Variants in HIRA observed in about 807,000 individuals in gnomAD.
HIRA encodes the protein histone cell cycle regulator, also known as protein HIRA.
Under a neutral mutation model 126.6 loss-of-function variants are expected in HIRA, and 13 were observed. The ratio of observed to expected loss-of-function variants is 0.10; its 90% CI spans 0.07 to 0.16. HIRA has a LOEUF of 0.16. HIRA is among the 10% of genes least tolerant of loss of function. The probability of loss-of-function intolerance (pLI) is 1.00; values close to 1 mark genes in which losing one functional copy is unlikely to be tolerated. For synonymous variants in HIRA, 511 were observed against 520.0 expected, an observed-to-expected ratio of 0.98 and a Z score of 0.24; for missense variants, 834 against 1,314.4, an observed-to-expected ratio of 0.63 and a Z score of 5.65.
At chr22:19,421,734 C>T (rs981522106) in intron 1 of HIRA, among the ~76,000 whole-genome samples, 7 of 152,158 alleles carry the variant, frequency 4.6e-5, no homozygotes, top group East Asian at 1.9e-4. Context: ...CGCAGTGATG[C>T]GACCTCAGCT....
At position 19,414,741 on chromosome 22, in the gene HIRA, G is replaced by T. The variant is rs551725916; in HGVS notation, c.38-3963C>A. ...GAACAATACTAAAATATAAGGTGGGGCCGGTCATGGTGGCTCACGCCGGTA... is the reference window on the plus strand; with the variant it reads ...GAACAATACTAAAATATAAGGTGGGTCCGGTCATGGTGGCTCACGCCGGTA... On this transcript the variant is annotated intron_variant, in intron 1 of 24. Coordinates refer to ENST00000263208, the MANE Select transcript of HIRA (RefSeq NM_003325.4). 5.7e-4 allele frequency among the ~76,000 whole-genome samples: 87 copies of T among 152,206 alleles called. 2 individuals are homozygous for T. The South Asian group carries it at 0.017, about 30-fold the overall frequency.
intron 11 of HIRA, 47 bp downstream of exon 11, chr22:19,387,664 T>C (rs2089139020): frequency 4.9e-6 from 7 of 1,428,278 alleles, no homozygotes; most frequent in Non-Finnish European, 6.9e-6. Flanking sequence ...AGAGCTATTG[T>C]GGCAATGGCC....
At chr22:19,356,191 GC>G in intron 20 of HIRA, 38 bp downstream of exon 20, 1 of 1,583,010 alleles carries the variant, frequency 6.3e-7, no homozygotes. Flanking sequence ...ATGAACTTGG[GC>G]CCCCAAAAGA....
Position 19,377,884 on chromosome 22 carries a change from G to T in HIRA, c.1598C>A (p.Ser533Tyr). Residue 533 changes from serine to tyrosine, a missense_variant, in exon 14 of 25, where the codon TCT (serine) becomes TAT (tyrosine). By Grantham distance (144) the Ser-to-Tyr change is moderately radical. Coordinates refer to ENST00000263208, the MANE Select transcript of HIRA (RefSeq NM_003325.4). The stretch of plus-strand genomic sequence containing the variant: ...ACCCACTAACCTGTCTTTATTGACA[G>T]AATCGCCTGCAGGTCTGGCACTGGC... Reference protein sequence around the residue: ...VAASARPAGDSVNKDSMNATS... With the variant: ...VAASARPAGDYVNKDSMNATS... 6.2e-7 allele frequency: 1 copy of T among 1,610,802 alleles called. No homozygotes were observed. The highest frequency in any genetic ancestry group is 2.2e-5 in the East Asian group (1 of 44,748).
At chr22:19,409,289 T>C (rs929520807) in intron 2 of HIRA, among the ~76,000 whole-genome samples, 5 of 105,604 alleles carry the variant, frequency 4.7e-5, no homozygotes, top group South Asian at 3.4e-4. Context: ...ATTTCTTTTC[T>C]TTTTTTTTTT....
chr22:19,416,801 T>C (rs530275363), intron 1 of HIRA, among the ~76,000 whole-genome samples: 2 of 152,330 alleles, frequency 1.3e-5, no homozygotes, highest in Non-Finnish European at 2.9e-5. Context: ...GCAAATTACA[T>C]ATCTGATAAG....
chr22:19,365,700 T>C (rs1346043186), intron 15 of HIRA: 2 of 152,270 alleles, frequency 1.3e-5, no homozygotes, highest in African/African-American at 4.8e-5. Flanking sequence ...ACAACACACA[T>C]TCTGCAGCCC....
At chr22:19,392,240 A>T in intron 8 of HIRA, 26 bp from the exon 9 acceptor site, 1 of 1,447,548 alleles carries the variant, frequency 6.9e-7, no homozygotes. Context: ...AGATGTTAAA[A>T]ATAATTAATC....
intron 1 of HIRA, among the ~76,000 whole-genome samples, chr22:19,412,729 T>C (rs974742439): frequency 2.0e-5 from 3 of 152,180 alleles, no homozygotes; most frequent in Non-Finnish European, 4.4e-5. Flanking sequence ...CAGGCTGTGC[T>C]GAGGGCTCAG....
At chr22:19,384,101 C>T (rs1459185641) in intron 12 of HIRA, among the ~76,000 whole-genome samples, 3 of 152,024 alleles carry the variant, frequency 2.0e-5, no homozygotes, top group African/African-American at 4.8e-5. Context: ...GGACAGATCA[C>T]AAGGTCAGGA....
intron 24 of HIRA, among the ~76,000 whole-genome samples, chr22:19,340,770 C>T (rs1248018807): frequency 6.6e-6 from 1 of 152,014 alleles, no homozygotes; most frequent in Non-Finnish European, 1.5e-5. Flanking sequence ...ACAATAGCTG[C>T]AAATAAAATA....
chr22:19,355,714 G>C, intron 21 of HIRA, 46 bp downstream of exon 21: 1 of 1,396,910 alleles, frequency 7.2e-7, no homozygotes, highest in Non-Finnish European at 1.0e-6. Flanking sequence ...GTCTAGAGCA[G>C]ACAGACACTC....
intron 7 of HIRA, among the ~76,000 whole-genome samples, chr22:19,395,455 T>G (rs2089215193): frequency 6.6e-6 from 1 of 152,090 alleles, no homozygotes. Flanking sequence ...GGGACCCCAC[T>G]GCCTGGCAGT....
chr22:19,356,826 T>G, intron 19 of HIRA, 64 bp downstream of exon 19: 1 of 1,489,638 alleles, frequency 6.7e-7, no homozygotes, highest in South Asian at 1.2e-5. Flanking sequence ...TGCAGTGAGG[T>G]GGGGCCTACA....
chr22:19,355,949 A>C, intron 20 of HIRA, 84 bp from the exon 21 acceptor site: 1 of 950,556 alleles, frequency 1.1e-6, no homozygotes, highest in Non-Finnish European at 1.7e-6. Flanking sequence ...TCTGTACTCT[A>C]GGCTCCCACA....
At chr22:19,396,377 G>A (rs1281876256) in intron 7 of HIRA, among the ~76,000 whole-genome samples, 2 of 152,164 alleles carry the variant, frequency 1.3e-5, no homozygotes, top group Non-Finnish European at 2.9e-5. Context: ...TTAGCTAGGT[G>A]TGGTGGTGGG....
intron 15 of HIRA, among the ~76,000 whole-genome samples, chr22:19,373,093 C>T (rs978101660): frequency 6.6e-6 from 1 of 152,130 alleles, no homozygotes; most frequent in Non-Finnish European, 1.5e-5. Flanking sequence ...GAAACAGTTG[C>T]CTAATCCAAG....
At position 19,410,723 on chromosome 22, in the gene HIRA, T is replaced by A. The variant is rs2089345616; in HGVS notation, c.93A>T (p.Gly31=). The A allele has an allele frequency of 6.2e-7, 1 of 1,613,224 alleles. No homozygotes were observed. The highest frequency in any genetic ancestry group is 1.3e-5 in the African/African-American group (1 of 74,888). ...TTTATTCCATAAACATACCTTGTCC[T>A]CCAGTTGCGAACTTGGTCCCGTCAG... ...IHPDGTKFAT[G]GQGQDSGKVV... Residue 31 remains glycine, a synonymous_variant, in exon 2 of 25, where the codon GGA becomes GGT. Transcript: ENST00000263208.
chr22:19,384,494 C>T (rs1484254445), intron 12 of HIRA, among the ~76,000 whole-genome samples: 1 of 151,694 alleles, frequency 6.6e-6, no homozygotes, highest in African/African-American at 2.4e-5. Context: ...TCTAAATTGC[C>T]CTCCTGGTAC....
Sources: gnomAD v4.1 joint callset for allele counts (sites outside exome capture counted in the v4.1 genomes callset) on GRCh38, gnomAD v4.1.1 for gene constraint, MANE v1.5 for transcripts, NCBI Gene and HGNC (gene_info 2026-07-23, HGNC 2026-07-21) for gene names.